CRACD: variants seen among roughly 807,000 people sequenced by gnomAD.
CRACD encodes capping protein inhibiting regulator of actin dynamics.
A neutral mutation model predicts 106.8 loss-of-function variants in CRACD; 56 were observed. The ratio of observed to expected loss-of-function variants is 0.52; its 90% CI spans 0.42 to 0.66. The LOEUF is 0.66. CRACD is among the 30% of genes least tolerant of loss of function. CRACD has a pLI of 0.00. For synonymous variants in CRACD, 754 were observed against 670.8 expected (o/e 1.12, Z -1.92); for missense variants, 1,730 against 1,623.2 (o/e 1.07, Z -1.13).
intron 10 of CRACD, 145 bp from the exon 11 acceptor site, chr4:56,327,499 A>G (rs898690357): frequency 1.8e-5 from 12 of 657,608 alleles, no homozygotes; most frequent in Non-Finnish European, 3.1e-5. Flanking sequence ...CTATTTCACA[A>G]TGTATACATA....
At chr4:56,187,495 C>T (rs1737137863) in intron 2 of CRACD, among the ~76,000 whole-genome samples, 1 of 152,030 alleles carries the variant, frequency 6.6e-6, no homozygotes, top group Non-Finnish European at 1.5e-5. Flanking sequence ...TTACCAGCAG[C>T]TTTGGATCAA....
intron 1 of CRACD, among the ~76,000 whole-genome samples, chr4:56,169,051 T>A (rs1382816706): frequency 6.6e-6 from 1 of 152,210 alleles, no homozygotes; most frequent in African/African-American, 2.4e-5. Flanking sequence ...TACAAAGGCA[T>A]TCCTGAAGTG....
chr4:56,114,041 T>G (rs1222114917), intron 1 of CRACD, among the ~76,000 whole-genome samples: 4 of 151,982 alleles, frequency 2.6e-5, no homozygotes, highest in Non-Finnish European at 5.9e-5. Flanking sequence ...TCATCATAAG[T>G]AACCAAAAAC....
At chr4:56,326,269 G>T (rs200084836) in intron 10 of CRACD, among the ~76,000 whole-genome samples, 3 of 34,580 alleles carry the variant, frequency 8.7e-5, no homozygotes, top group Non-Finnish European at 1.5e-4. Context: ...AAGAACCGCA[G>T]GCAGGCATTA....
At chr4:56,245,087 A>C (rs1047061475) in intron 2 of CRACD, among the ~76,000 whole-genome samples, 2 of 152,206 alleles carry the variant, frequency 1.3e-5, no homozygotes, top group Admixed American at 6.5e-5. Context: ...TCCCTTCTAC[A>C]AGAAAGCTGC....
intron 2 of CRACD, among the ~76,000 whole-genome samples, chr4:56,207,057 T>C (rs909767839): frequency 2.6e-5 from 4 of 152,138 alleles, no homozygotes; most frequent in Non-Finnish European, 5.9e-5. Flanking sequence ...CCCCTTGAAC[T>C]AAACCAACTA....
intron 1 of CRACD, among the ~76,000 whole-genome samples, chr4:56,175,695 G>C (rs367870463): frequency 6.6e-6 from 1 of 152,058 alleles, no homozygotes; most frequent in South Asian, 2.1e-4. Context: ...TTAATCCCTC[G>C]TCAGATGGAT....
intron 1 of CRACD, among the ~76,000 whole-genome samples, chr4:56,096,575 G>T (rs752951827): frequency 6.6e-6 from 1 of 152,000 alleles, no homozygotes; most frequent in Non-Finnish European, 1.5e-5. Context: ...TTAGCTGCAC[G>T]TGGTGGAGTG....
chr4:56,282,685 T>C (rs972667729), intron 3 of CRACD, among the ~76,000 whole-genome samples: 1 of 152,200 alleles, frequency 6.6e-6, no homozygotes, highest in African/African-American at 2.4e-5. Context: ...GTCCTCAGGT[T>C]TGTTCCCTCA....
chr4:56,049,787 G>A (rs1270263890), intron 1 of CRACD: 1 of 152,234 alleles, frequency 6.6e-6, no homozygotes, highest in Admixed American at 6.5e-5. Context: ...ACAAACTCTT[G>A]TTGCCCCAAT....
At chr4:56,301,127 G>A (rs1744342716) in intron 4 of CRACD, 1 of 693,214 alleles carries the variant, frequency 1.4e-6, no homozygotes, top group African/African-American at 1.9e-5. Context: ...CTTTGAGGAG[G>A]GAAATGGGGA....
chr4:56,097,499 T>C (rs1733637232), intron 1 of CRACD: 2 of 152,470 alleles, frequency 1.3e-5, no homozygotes, highest in African/African-American at 4.8e-5. Flanking sequence ...GTCAGTCTAG[T>C]TGAGTGTGTT....
At position 56,328,158 on chromosome 4, in the gene CRACD, C is replaced by T; in HGVS notation, c.*354C>T. ...CATTCAGAACATGTACTTTTGCCAA[C>T]CTTTGGTAATGGTTTTTTGATTCTA... On this transcript the variant is annotated 3_prime_UTR_variant, in exon 11 of 11. Transcript: ENST00000682029. 5.2e-6 allele frequency: 2 copies of T among 383,072 alleles called. No homozygotes were observed. Among genetic ancestry groups the T allele is most frequent in the Admixed American group, 7.0e-5 (2 of 28,596 alleles). 23.7% of individuals were successfully genotyped at this position (383,072 alleles called of 1,614,324 possible). A position where few individuals can be genotyped will look rare whatever the true frequency, so the allele number is the denominator to read the frequency against.
intron 1 of CRACD, among the ~76,000 whole-genome samples, chr4:56,090,625 G>A (rs1733396192): frequency 6.6e-6 from 1 of 152,108 alleles, no homozygotes; most frequent in South Asian, 2.1e-4. Context: ...AAACTCCTGA[G>A]CTCAGGTGAT....
chr4:56,223,416 G>A (rs867035659), intron 2 of CRACD, among the ~76,000 whole-genome samples: 1 of 152,120 alleles, frequency 6.6e-6, no homozygotes, highest in South Asian at 2.1e-4. Flanking sequence ...TTCATATGTG[G>A]TGTGTTCTTC....
Position 56,268,235 on chromosome 4 carries a change from T to A in CRACD, c.-188-4086T>A, listed in dbSNP as rs1299135244. On this transcript the variant is annotated intron_variant, in intron 2 of 10. Coordinates refer to ENST00000682029, the MANE Select transcript of CRACD (RefSeq NM_001393381.1). ...ACTCAAATTAAACTTCAACTGAACATTATTAAATTCCCCTGACTTTATGGC... is the reference window on the plus strand; with the variant it reads ...ACTCAAATTAAACTTCAACTGAACAATATTAAATTCCCCTGACTTTATGGC... 3.3e-5 allele frequency among the ~76,000 whole-genome samples: 5 copies of A among 152,218 alleles called. No homozygotes were observed. The East Asian group carries it at 5.8e-4, about 18-fold the overall frequency.
chr4:56,315,134 A>C lies in CRACD; in HGVS notation c.1632A>C (p.Gly544=). ...PRPYTFQVSS[G]GKQILFPKVN... is the part of the protein sequence containing the mutation. Reference sequence around the variant, plus strand: ...CCTACACGTTCCAGGTGTCCTCCGGAGGGAAGCAGATTCTCTTTCCCAAAG... The same window carrying C: ...CCTACACGTTCCAGGTGTCCTCCGGCGGGAAGCAGATTCTCTTTCCCAAAG... The change falls in exon 8 of 11, where the codon GGA becomes GGC. Residue 544 remains glycine (G), a synonymous_variant. Transcript: ENST00000682029. This position sits in a 1 kb window ranked among gnomAD's most constrained non-coding sequence, Gnocchi z 4.1. 6.2e-6 allele frequency: 10 copies of C among 1,609,290 alleles called. No homozygotes were observed. Among genetic ancestry groups the C allele is most frequent in the Non-Finnish European group, 8.5e-6 (10 of 1,178,430 alleles).
chr4:56,188,711 CAGAGAGAGAGAG>C (rs142124735), intron 2 of CRACD, among the ~76,000 whole-genome samples: 1 of 113,110 alleles, frequency 8.8e-6, no homozygotes, highest in Non-Finnish European at 1.8e-5. Flanking sequence ...CACACACACA[CAGAGAGAGAGAG>C]AGAGAGAGAG....
At chr4:56,279,252 C>T (rs1038408160) in intron 3 of CRACD, among the ~76,000 whole-genome samples, 7 of 152,144 alleles carry the variant, frequency 4.6e-5, no homozygotes, top group African/African-American at 1.2e-4. Flanking sequence ...TCATCTTCTG[C>T]GTCGCTCATG....
Sources: allele counts gnomAD v4.1 joint callset (sites outside exome capture counted in the v4.1 genomes callset), GRCh38; gene constraint gnomAD v4.1.1; non-coding constraint Gnocchi (gnomAD v3.1); transcripts MANE v1.5; gene names NCBI Gene and HGNC (gene_info 2026-07-23, HGNC 2026-07-21).